Variants in WNK2 observed in about 807,000 individuals in gnomAD.
The protein encoded by WNK2 is serine/threonine-protein kinase WNK2.
A neutral mutation model predicts 192.1 loss-of-function variants in WNK2; 67 were observed. The ratio of observed to expected loss-of-function variants is 0.35; its 90% CI spans 0.29 to 0.43. The LOEUF (loss-of-function observed/expected upper bound fraction) is 0.43. WNK2 is among the 20% of genes least tolerant of loss of function. The probability of loss-of-function intolerance (pLI) is 1.00; values close to 1 mark genes in which losing one functional copy is unlikely to be tolerated. For synonymous variants in WNK2, 1,439 were observed against 1,393.9 expected (o/e 1.03, Z -0.72); for missense variants, 2,698 against 3,089.7 (o/e 0.87, Z 3.01).
At chr9:93,283,752 C>T (rs1004747184) in intron 19 of WNK2, among the ~76,000 whole-genome samples, 1 of 152,138 alleles carries the variant, frequency 6.6e-6, no homozygotes, top group Admixed American at 6.5e-5. Flanking sequence ...TTATGCAGAA[C>T]AAGGACACAT....
chr9:93,312,552 T>G (rs1853849680), intron 28 of WNK2, among the ~76,000 whole-genome samples: 1 of 152,064 alleles, frequency 6.6e-6, no homozygotes, highest in Non-Finnish European at 1.5e-5. Flanking sequence ...TTATTTTATT[T>G]TATTTTTAGT....
At chr9:93,225,842 A>G (rs1375243964) in intron 2 of WNK2, among the ~76,000 whole-genome samples, 1 of 152,134 alleles carries the variant, frequency 6.6e-6, no homozygotes, top group Non-Finnish European at 1.5e-5. Context: ...GAGCACTGCC[A>G]TCTCCTCTCC....
At chr9:93,300,240 T>C in intron 26 of WNK2, 91 bp downstream of exon 26, 1 of 1,024,702 alleles carries the variant, frequency 9.8e-7, no homozygotes, top group Non-Finnish European at 1.5e-6. Context: ...TTCATACATT[T>C]CATAGGATGC....
chr9:93,273,374 C>T (rs112208236), intron 19 of WNK2, among the ~76,000 whole-genome samples: 19 of 152,198 alleles, frequency 1.2e-4, no homozygotes, highest in Non-Finnish European at 2.1e-4. Context: ...CCAGGATGGT[C>T]TCGACTCTTG....
In WNK2 at chr9:93,247,927, T is replaced by A; in HGVS notation, c.1834+93T>A. 7.4e-7 allele frequency: 1 copy of A among 1,354,046 alleles called. No homozygotes were observed. The highest frequency in any genetic ancestry group is 9.9e-7 in the Non-Finnish European group (1 of 1,006,904). 83.9% of individuals were successfully genotyped at this position (1,354,046 alleles called of 1,614,324 possible). A position where few individuals can be genotyped will look rare whatever the true frequency, so the allele number is the denominator to read the frequency against. On this transcript the variant is annotated intron_variant, in intron 8 of 29. Coordinates refer to ENST00000427277, the MANE Select transcript of WNK2 (RefSeq NM_006648.4). The surrounding 1 kb of genome is among the most constrained non-coding windows in gnomAD (Gnocchi z 5.2). ...GCAAAGAAAAATGAAGTCCTCTCCC[T>A]TTATTGGAATGCTTTGTGAGGAAGG...
At chr9:93,252,738 A>G (rs777315749) in intron 8 of WNK2, 145 bp from the exon 9 acceptor site, 15 of 727,718 alleles carry the variant, frequency 2.1e-5, no homozygotes, top group Non-Finnish European at 2.8e-5. Context: ...GTAGCAGCCA[A>G]TTGTTTAAAC....
At chr9:93,281,003 T>C (rs572423119) in intron 19 of WNK2, among the ~76,000 whole-genome samples, 3 of 152,312 alleles carry the variant, frequency 2.0e-5, no homozygotes, top group African/African-American at 7.2e-5. Context: ...ACTGGACATA[T>C]ATAAAATTCT....
At chr9:93,306,665 G>A in intron 26 of WNK2, 112 bp from the exon 27 acceptor site, 1 of 1,354,918 alleles carries the variant, frequency 7.4e-7, no homozygotes, top group African/African-American at 1.4e-5. Context: ...ACTGCTGCCT[G>A]TGTCTGCCCC....
Position 93,289,490 on chromosome 9 carries a change from G to A in WNK2, c.4736G>A (p.Gly1579Asp). The change falls in exon 20 of 30, where the codon GGC becomes GAC. Residue 1579 changes from glycine to aspartate, a missense_variant. Gly to Asp is a moderately conservative substitution (Grantham distance 94). Transcript: ENST00000427277. ...SASAGTPVEV[G>D]DRDFTLEPLR... Reference sequence around the variant, plus strand: ...TCAGCTGGGACCCCTGTGGAGGTGGGCGACAGAGACTTCACCCTGGAGCCC... The same window carrying A: ...TCAGCTGGGACCCCTGTGGAGGTGGACGACAGAGACTTCACCCTGGAGCCC... The A allele has an allele frequency of 6.2e-7, 1 of 1,609,000 alleles. No individual in the cohort carries two copies. Among genetic ancestry groups the A allele is most frequent in the South Asian group, 1.1e-5 (1 of 90,940 alleles).
At chr9:93,236,471 A>G (rs559681560) in intron 5 of WNK2, among the ~76,000 whole-genome samples, 70 of 152,338 alleles carry the variant, frequency 4.6e-4, no homozygotes, top group Middle Eastern at 6.8e-3. Flanking sequence ...TGAAGGCTAA[A>G]TCGTGTTGAA....
intron 29 of WNK2, 34 bp downstream of exon 29, chr9:93,317,665 G>A (rs748373304): frequency 1.9e-6 from 3 of 1,601,432 alleles, no homozygotes; most frequent in South Asian, 2.2e-5. Context: ...ACCCCACCCT[G>A]TGCGCTGCCT....
intron 26 of WNK2, among the ~76,000 whole-genome samples, chr9:93,304,104 C>A (rs1852077613): frequency 1.3e-5 from 2 of 152,212 alleles, no homozygotes; most frequent in Non-Finnish European, 2.9e-5. Context: ...GGGCTGACCA[C>A]TTTTTAGTCC....
Position 93,184,247 on chromosome 9 carries a change from A to G in WNK2, c.-141A>G, listed in dbSNP as rs1828843101. ...GGCCCGGCCCGAGAGAGCAGCGCGCAGGAGCTGGAGCGGCGCCACGGCCCC... is the reference window on the plus strand; with the variant it reads ...GGCCCGGCCCGAGAGAGCAGCGCGCGGGAGCTGGAGCGGCGCCACGGCCCC... On this transcript the variant is annotated 5_prime_UTR_variant, in exon 1 of 30. Coordinates refer to ENST00000427277, the MANE Select transcript of WNK2 (RefSeq NM_006648.4). Among the ~76,000 whole-genome samples, 1 of 150,104 alleles carries G rather than the reference A, an allele frequency of 6.7e-6. No homozygotes were observed. The highest frequency in any genetic ancestry group is 1.5e-5 in the Non-Finnish European group (1 of 67,414).
At chr9:93,269,160 T>C (rs1314212029) in intron 19 of WNK2, among the ~76,000 whole-genome samples, 3 of 152,012 alleles carry the variant, frequency 2.0e-5, no homozygotes, top group African/African-American at 4.8e-5. Context: ...CTGTTGGTGC[T>C]GAGACTCTGA....
intron 2 of WNK2, among the ~76,000 whole-genome samples, chr9:93,205,558 G>GCCCGC (rs1431508155): frequency 9.9e-5 from 15 of 151,858 alleles, no homozygotes; most frequent in Non-Finnish European, 1.5e-5. Context: ...CTGTCCTTCG[G>GCCCGC]CCCGCCCCGC....
chr9:93,240,870 A>G (rs1840648432), intron 7 of WNK2, among the ~76,000 whole-genome samples: 1 of 152,244 alleles, frequency 6.6e-6, no homozygotes, highest in Non-Finnish European at 1.5e-5. Context: ...TCTCAGTCCT[A>G]CTGGCCACAT....
intron 2 of WNK2, among the ~76,000 whole-genome samples, chr9:93,214,701 C>G (rs1587945329): frequency 3.5e-5 from 2 of 57,578 alleles, no homozygotes; most frequent in African/African-American, 1.7e-4. Context: ...GGTAGTGCCC[C>G]CCCCCCCCCC....
intron 26 of WNK2, among the ~76,000 whole-genome samples, chr9:93,301,371 A>G (rs12341311): frequency 0.041 from 6,195 of 152,264 alleles, 419 homozygotes; most frequent in African/African-American, 0.14. Context: ...CCACCCCATC[A>G]GAGGTCCATG....
chr9:93,263,075 G>A (rs4743905), intron 14 of WNK2, among the ~76,000 whole-genome samples: 48,373 of 152,100 alleles, frequency 0.32, 7,857 homozygotes, highest in South Asian at 0.52. Flanking sequence ...ATCCAGCCCC[G>A]ATCCTGGGTT....
Sources: allele counts gnomAD v4.1 joint callset (sites outside exome capture counted in the v4.1 genomes callset), GRCh38; gene constraint gnomAD v4.1.1; non-coding constraint Gnocchi (gnomAD v3.1); transcripts MANE v1.5; gene names NCBI Gene and HGNC (gene_info 2026-07-23, HGNC 2026-07-21).